Variants in PSME4 observed in about 807,000 individuals in gnomAD.
PSME4 encodes the protein proteasome activator complex subunit 4.
A neutral mutation model predicts 253.9 loss-of-function variants in PSME4; 89 were observed. The ratio of observed to expected loss-of-function variants is 0.35; its 90% CI spans 0.30 to 0.42. The LOEUF (loss-of-function observed/expected upper bound fraction) is 0.42, where lower values mean the gene tolerates loss of function less well. Among genes scored for constraint, PSME4 ranks in the 10% least tolerant of loss-of-function variants. The pLI is 1.00. For synonymous variants in PSME4, 851 were observed against 759.2 expected (o/e 1.12, Z -1.99); for missense variants, 2,014 against 2,195.2 (o/e 0.92, Z 1.65).
chr2:53,947,598 C>T (rs775819585), intron 3 of PSME4, among the ~76,000 whole-genome samples: 3 of 152,012 alleles, frequency 2.0e-5, no homozygotes, highest in Non-Finnish European at 2.9e-5. Flanking sequence ...CCCAGCTACT[C>T]GGGAGGCTGA....
intron 20 of PSME4, among the ~76,000 whole-genome samples, chr2:53,916,185 C>T (rs13389673): frequency 0.13 from 18,746 of 146,886 alleles, 2,047 homozygotes; most frequent in African/African-American, 0.3. Context: ...AGGTGGAGGT[C>T]GCAGTGAGCT....
chr2:53,875,166 T>C (rs1248495274), intron 42 of PSME4, among the ~76,000 whole-genome samples: 1 of 152,200 alleles, frequency 6.6e-6, no homozygotes, highest in African/African-American at 2.4e-5. Flanking sequence ...AAATTTAAAA[T>C]GAAAGCTATG....
chr2:53,970,888 T>A lies in PSME4; in HGVS notation c.-104A>T, dbSNP rs1671052645. The A allele has an allele frequency of 1.0e-6, 1 of 973,852 alleles. No homozygotes were observed. The highest frequency in any genetic ancestry group is 1.8e-5 in the African/African-American group (1 of 55,980). The allele number at this position is 973,852 out of a possible 1,614,324, so 60.3% of individuals were successfully genotyped here. A position where few individuals can be genotyped will look rare whatever the true frequency, so the allele number is the denominator to read the frequency against. On this transcript the variant is annotated 5_prime_UTR_variant, in exon 1 of 47. Coordinates refer to ENST00000404125, the MANE Select transcript of PSME4 (RefSeq NM_014614.3). ...CGCGTCTTCGTCGCCCTGCGGCCGCTGGCGGCCCGTCGCCCTCGGACCGAT... is the reference window on the plus strand; with the variant it reads ...CGCGTCTTCGTCGCCCTGCGGCCGCAGGCGGCCCGTCGCCCTCGGACCGAT...
At chr2:53,964,077 T>A (rs986588204) in intron 1 of PSME4, among the ~76,000 whole-genome samples, 20 of 152,174 alleles carry the variant, frequency 1.3e-4, no homozygotes, top group African/African-American at 4.6e-4. Context: ...GAAACACACA[T>A]ATGCTCATTG....
At chr2:53,922,636 T>C (rs1573297478) in intron 16 of PSME4, 52 bp from the exon 17 acceptor site, 3 of 1,563,248 alleles carry the variant, frequency 1.9e-6, no homozygotes, top group South Asian at 1.2e-5. Context: ...TTCAACTAAA[T>C]ATAGCATTTT....
chr2:53,954,202 C>T (rs1398418470), intron 1 of PSME4, among the ~76,000 whole-genome samples: 1 of 152,166 alleles, frequency 6.6e-6, no homozygotes, highest in Non-Finnish European at 1.5e-5. Flanking sequence ...GCGGCACGCG[C>T]CTGCAAACCC....
intron 43 of PSME4, among the ~76,000 whole-genome samples, chr2:53,873,045 C>A (rs1678960256): frequency 6.6e-6 from 1 of 151,630 alleles, no homozygotes; most frequent in South Asian, 2.1e-4. Context: ...TCGAGACCAT[C>A]CTGGCTAACA....
chr2:53,968,961 T>C (rs1268615510), intron 1 of PSME4, among the ~76,000 whole-genome samples: 4 of 152,310 alleles, frequency 2.6e-5, no homozygotes, highest in Admixed American at 6.5e-5. Flanking sequence ...GGCATATTTA[T>C]ATAATGTACA....
At chr2:53,879,425 AACTC>A (rs1679279140) in intron 41 of PSME4, among the ~76,000 whole-genome samples, 1 of 152,180 alleles carries the variant, frequency 6.6e-6, no homozygotes, top group African/African-American at 2.4e-5. Flanking sequence ...AAATAAGTGA[AACTC>A]ACTGTTTATC....
chr2:53,930,476 T>C (rs923887681), intron 10 of PSME4, among the ~76,000 whole-genome samples: 3 of 152,146 alleles, frequency 2.0e-5, no homozygotes, highest in African/African-American at 7.2e-5. Context: ...ATACTGGGGG[T>C]TGAAGACGGA....
At chr2:53,920,114 T>G in intron 19 of PSME4, 79 bp downstream of exon 19, 141 of 1,220,312 alleles carry the variant, frequency 1.2e-4, no homozygotes, top group Non-Finnish European at 1.4e-4. Flanking sequence ...AATTAATACA[T>G]GAGATATGCC....
rs565166496 is a variant in PSME4 at position 53,919,229 on chromosome 2, C to T, written c.2438G>A (p.Ser813Asn). 6.3e-7 allele frequency: 1 copy of T among 1,597,048 alleles called. No individual in the cohort carries two copies. The highest frequency in any genetic ancestry group is 2.3e-5 in the East Asian group (1 of 44,326). The change falls in exon 20 of 47, where the codon AGT becomes AAT. Residue 813 changes from serine to asparagine, a missense_variant. Coordinates refer to ENST00000404125, the MANE Select transcript of PSME4 (RefSeq NM_014614.3). ...LEMSRDDILQ[S>N]LTIVHNCLIG... ...TAAACAGTTGTGCACTATAGTCAGA[C>T]TCTGTAGAATATCATCTCTAGAAAA... is the stretch of plus-strand genomic sequence containing the variant.
chr2:53,961,932 C>T (rs805340), intron 1 of PSME4, among the ~76,000 whole-genome samples: 32,924 of 151,990 alleles, frequency 0.22, 3,968 homozygotes, highest in South Asian at 0.3. Context: ...GTATTTGTCC[C>T]GATTGGCTAG....
chr2:53,887,595 C>T, intron 39 of PSME4, 128 bp from the exon 40 acceptor site: 4 of 948,946 alleles, frequency 4.2e-6, no homozygotes, highest in South Asian at 3.6e-5. Flanking sequence ...TAGATTATGC[C>T]TGTGTGTAAA....
intron 1 of PSME4, among the ~76,000 whole-genome samples, chr2:53,954,426 A>T (rs1670139537): frequency 6.6e-6 from 1 of 152,214 alleles, no homozygotes; most frequent in Non-Finnish European, 1.5e-5. Flanking sequence ...AATCACTTGA[A>T]TCCAGGAGTT....
chr2:53,957,763 G>C (rs1366749977), intron 1 of PSME4, among the ~76,000 whole-genome samples: 1 of 152,128 alleles, frequency 6.6e-6, no homozygotes. Flanking sequence ...TCATCAAGAA[G>C]TAAGACATTA....
Position 53,928,129 on chromosome 2 carries a change from A to G in PSME4, c.1491T>C (p.Phe497=), listed in dbSNP as rs1161883228. ...CCAATATACTCACCATGCATTTACT[A>G]AAGTCATTTGGATCCACCCCAGGCA... ...RALPGVDPND[F]SKCMITFQFI... The change falls in exon 11 of 47, where the codon TTT becomes TTC. Residue 497 remains phenylalanine, a synonymous_variant. Transcript: ENST00000404125. The G allele has an allele frequency of 3.1e-6, 5 of 1,613,396 alleles. No individual in the cohort carries two copies. The Admixed American group carries it at 5.0e-5, about 16-fold the overall frequency.
At chr2:53,941,290 G>A (rs1669442096) in intron 3 of PSME4, among the ~76,000 whole-genome samples, 1 of 147,432 alleles carries the variant, frequency 6.8e-6, no homozygotes, top group Admixed American at 7.0e-5. Flanking sequence ...CACATGAGAT[G>A]ACTTCTAAAA....
chr2:53,919,250 GAAAAA>G lies in PSME4; in HGVS notation c.2421-9_2421-5del, dbSNP rs113177874. 2 of 696,676 alleles carry G rather than the reference GAAAAA, an allele frequency of 2.9e-6. No individual in the cohort carries two copies. The highest frequency in any genetic ancestry group is 4.2e-6 in the Non-Finnish European group (2 of 480,644). 43.2% of individuals were successfully genotyped at this position (696,676 alleles called of 1,614,324 possible). On this transcript the variant is annotated splice_polypyrimidine_tract_variant and splice_region_variant and intron_variant, in intron 19 of 46. Transcript: ENST00000404125. ...CAGACTCTGTAGAATATCATCTCTA[GAAAAA>G]AAAAAAAGACATTTTCATATTTCCA...
Sources: gnomAD v4.1 joint callset for allele counts (sites outside exome capture counted in the v4.1 genomes callset) on GRCh38, gnomAD v4.1.1 for gene constraint, MANE v1.5 for transcripts, NCBI Gene and HGNC (gene_info 2026-07-23, HGNC 2026-07-21) for gene names.